TTC34: variants seen among roughly 807,000 people sequenced by gnomAD.
TTC34 encodes the protein tetratricopeptide repeat protein 34.
Under a neutral mutation model 40.7 loss-of-function variants are expected in TTC34, and 44 were observed. The ratio of observed to expected loss-of-function variants is 1.08; its 90% confidence interval spans 0.85 to 1.39. The LOEUF is 1.39. TTC34 is among the 40% of genes most tolerant of loss of function. The pLI is 0.00. For synonymous variants in TTC34, 422 were observed against 398.6 expected, an observed-to-expected ratio of 1.06 and a Z score of -0.70; for missense variants, 884 against 838.0, an observed-to-expected ratio of 1.05 and a Z score of -0.68.
chr1:2,790,521 G>C (rs1007274425), intron 2 of TTC34, among the ~76,000 whole-genome samples, 175 bp from the exon 3 acceptor site: 3 of 152,184 alleles, frequency 2.0e-5, no homozygotes, highest in South Asian at 2.1e-4. Context: ...CAGGACACCA[G>C]CTGGCAGGAG....
At chr1:2,673,554 C>G (rs113075482) in intron 6 of TTC34, among the ~76,000 whole-genome samples, 3 of 52,500 alleles carry the variant, frequency 5.7e-5, no homozygotes, top group African/African-American at 1.4e-4. Flanking sequence ...ACAGCACCAA[C>G]ACCCCCAGGC....
At chr1:2,758,272 CA>C (rs1641572338) in intron 6 of TTC34, among the ~76,000 whole-genome samples, 1 of 24,542 alleles carries the variant, frequency 4.1e-5, no homozygotes, top group African/African-American at 4.1e-4. Flanking sequence ...ACAGCACACA[CA>C]CCCCCAGGCG....
chr1:2,752,378 C>G lies in TTC34; in HGVS notation c.2226+31231G>C, dbSNP rs1445042207. Among the ~76,000 whole-genome samples the G allele has an allele frequency of 2.1e-4, 12 of 56,894 alleles. 1 individual carries two copies. Among genetic ancestry groups the G allele is most frequent in the Admixed American group, 7.5e-4 (4 of 5,338 alleles). The allele number at this position is 56,894 out of a possible 152,430, so 37.3% of individuals were successfully genotyped here. A position where few individuals can be genotyped will look rare whatever the true frequency, so the allele number is the denominator to read the frequency against. The stretch of plus-strand genomic sequence containing the variant: ...CTGGAACAGCACCCACACCCCCAGG[C>G]GAGCATCTGAGAGCATGTAACAGCA... On this transcript the variant is annotated intron_variant, in intron 6 of 8. Transcript: ENST00000401095.
Position 2,798,807 on chromosome 1 carries a change from C to A in TTC34, c.784+1237G>T, listed in dbSNP as rs1302995353. Among the ~76,000 whole-genome samples, 47 of 126,938 alleles carry A rather than the reference C, an allele frequency of 3.7e-4. 1 individual carries two copies. Among genetic ancestry groups the A allele is most frequent in the African/African-American group, 1.5e-3 (44 of 30,064 alleles). 83.3% of individuals were successfully genotyped at this position (126,938 alleles called of 152,430 possible). A position where few individuals can be genotyped will look rare whatever the true frequency, so the allele number is the denominator to read the frequency against. On this transcript the variant is annotated intron_variant, in intron 2 of 8. Transcript: ENST00000401095. ...CCCCCCAGCCTCCCAGCCTCTCAGC[C>A]TTCAAGCCTCCCAGCCCACCAGCCT...
At chr1:2,761,104 C>T (rs1375771412) in intron 6 of TTC34, among the ~76,000 whole-genome samples, 1 of 58,490 alleles carries the variant, frequency 1.7e-5, no homozygotes. Context: ...CATCGGACAT[C>T]CTGGAGCATC....
Position 2,645,162 on chromosome 1 carries a change from G to A in TTC34, c.2497+131C>T, listed in dbSNP as rs1638994315. The A allele has an allele frequency of 1.7e-6, 2 of 1,156,616 alleles. No individual in the cohort carries two copies. Among genetic ancestry groups the A allele is most frequent in the Non-Finnish European group, 2.3e-6 (2 of 880,342 alleles). The allele number at this position is 1,156,616 out of a possible 1,614,324, so 71.6% of individuals were successfully genotyped here. Reference sequence around the variant, plus strand: ...AGGGCCAGAGGTCATGGGATTTGGGGTGGAAGGGACCTTGGAAGCTGTTGT... The same window carrying A: ...AGGGCCAGAGGTCATGGGATTTGGGATGGAAGGGACCTTGGAAGCTGTTGT... On this transcript the variant is annotated intron_variant, in intron 7 of 8. Transcript: ENST00000401095. The surrounding 1 kb of genome is among the most constrained non-coding windows in gnomAD (Gnocchi z 4.7).
Position 2,691,517 on chromosome 1 carries a change from C to T in TTC34, c.2227-45954G>A, listed in dbSNP as rs575587311. Among the ~76,000 whole-genome samples the T allele has an allele frequency of 1.3e-4, 13 of 98,568 alleles. 3 individuals carry two copies. The highest frequency in any genetic ancestry group is 1.8e-4 in the Non-Finnish European group (8 of 43,386). 64.7% of individuals were successfully genotyped at this position (98,568 alleles called of 152,430 possible). A position where few individuals can be genotyped will look rare whatever the true frequency, so the allele number is the denominator to read the frequency against. ...AGCACCCAAAACCACAGGTGAGCAT[C>T]GGAGAGTCTGGAACAGAACCCACAC... On this transcript the variant is annotated intron_variant, in intron 6 of 8. Coordinates refer to ENST00000401095, the Ensembl canonical transcript of TTC34.
chr1:2,754,854 CACA>C (rs1641452988), intron 6 of TTC34, among the ~76,000 whole-genome samples: 1 of 108,364 alleles, frequency 9.2e-6, no homozygotes. Context: ...GAACAGCACC[CACA>C]TGCCCAGCTG....
At chr1:2,788,184 A>G (rs1430736386) in intron 3 of TTC34, among the ~76,000 whole-genome samples, 2 of 152,276 alleles carry the variant, frequency 1.3e-5, no homozygotes, top group African/African-American at 4.8e-5. Context: ...ATGCCATCAC[A>G]TAATGAAAGT....
In TTC34 at chr1:2,686,674, AC is replaced by A. The variant is rs1640366092; in HGVS notation, c.2227-41112del. ...TGAGCATCTGACAGCCTGGAACAGC[AC>A]CCTGCACCCCCAGGTGCGCACGTGA... is the stretch of plus-strand genomic sequence containing the variant. On this transcript the variant is annotated intron_variant, in intron 6 of 8. Coordinates refer to ENST00000401095, the Ensembl canonical transcript of TTC34. 2.0e-5 allele frequency among the ~76,000 whole-genome samples: 3 copies of A among 150,574 alleles called. No individual in the cohort carries two copies. In the East Asian group the frequency reaches 5.9e-4, roughly 29 times the overall value.
intron 6 of TTC34, among the ~76,000 whole-genome samples, chr1:2,753,342 A>C (rs1486421475): frequency 3.3e-3 from 169 of 50,822 alleles, no homozygotes; most frequent in East Asian, 9.2e-3. Context: ...ACACCCCCAG[A>C]CGAGCATCTG....
intron 6 of TTC34, among the ~76,000 whole-genome samples, chr1:2,750,006 C>G (rs1488780450): frequency 1.9e-5 from 2 of 102,872 alleles, no homozygotes. Context: ...CACCCACATC[C>G]CCAGGCGAGC....
At chr1:2,787,264 C>T (rs577584802) in intron 4 of TTC34, among the ~76,000 whole-genome samples, 11 of 152,178 alleles carry the variant, frequency 7.2e-5, no homozygotes, top group Admixed American at 3.9e-4. Context: ...CTGCCCCAGC[C>T]GATTTCCATG....
At chr1:2,749,368 G>T (rs1274034218) in intron 6 of TTC34, among the ~76,000 whole-genome samples, 1 of 75,980 alleles carries the variant, frequency 1.3e-5, no homozygotes, top group African/African-American at 6.5e-5. Context: ...CACATGCCCA[G>T]GTGAGACCCT....
chr1:2,792,827 G>A (rs12044475), intron 2 of TTC34, among the ~76,000 whole-genome samples: 54,213 of 152,120 alleles, frequency 0.36, 10,594 homozygotes, highest in Non-Finnish European at 0.44. Flanking sequence ...CCAGGAGAAC[G>A]CCAGCATCTG....
chr1:2,751,964 C>A lies in TTC34; in HGVS notation c.2226+31645G>T, dbSNP rs1406700317. Among the ~76,000 whole-genome samples the A allele has an allele frequency of 4.2e-5, 5 of 118,850 alleles. 2 individuals carry two copies. Among genetic ancestry groups the A allele is most frequent in the African/African-American group, 7.5e-5 (2 of 26,614 alleles). The allele number at this position is 118,850 out of a possible 152,430, so 78.0% of individuals were successfully genotyped here. ...AACATCGGAGAGTCTGGAGCAGCGCCCACACCCCCAGGCGAGCATTTGACA... is the reference window on the plus strand; with the variant it reads ...AACATCGGAGAGTCTGGAGCAGCGCACACACCCCCAGGCGAGCATTTGACA... On this transcript the variant is annotated intron_variant, in intron 6 of 8. Transcript: ENST00000401095.
At chr1:2,639,376 G>C (rs1031278604) in exon 9 of TTC34, 2 of 152,626 alleles carry the variant, frequency 1.3e-5, no homozygotes, top group East Asian at 1.9e-4. Context: ...CAGGCGAGGA[G>C]GACGGTAGGA....
intron 6 of TTC34, among the ~76,000 whole-genome samples, chr1:2,771,371 G>A (rs1343214957): frequency 1.5e-5 from 1 of 66,424 alleles, no homozygotes; most frequent in Non-Finnish European, 2.6e-5. Flanking sequence ...AACCACAGGT[G>A]AGGATCTGAC....
intron 6 of TTC34, among the ~76,000 whole-genome samples, chr1:2,684,542 A>T (rs371997147): frequency 3.6e-5 from 2 of 55,796 alleles, no homozygotes; most frequent in East Asian, 5.5e-4. Context: ...CGACATCCTG[A>T]AACAGCTCCC....
Sources: gnomAD v4.1 joint callset for allele counts (sites outside exome capture counted in the v4.1 genomes callset) on GRCh38, gnomAD v4.1.1 for gene constraint, Gnocchi (gnomAD v3.1) non-coding constraint, MANE v1.5 for transcripts, NCBI Gene and HGNC (gene_info 2026-07-23, HGNC 2026-07-21) for gene names.